C2CD2L: variants seen among roughly 807,000 people sequenced by gnomAD.
C2CD2L encodes the protein phospholipid transfer protein C2CD2L.
Under a neutral mutation model 69.9 loss-of-function variants are expected in C2CD2L, and 24 were observed. The ratio of observed to expected loss-of-function variants is 0.34; its 90% CI spans 0.25 to 0.48. The LOEUF (loss-of-function observed/expected upper bound fraction) is 0.48, where lower values mean the gene tolerates loss of function less well. Ranked by LOEUF, C2CD2L falls within the 20% of genes least tolerant of loss-of-function variation. The pLI, the probability that C2CD2L is intolerant of heterozygous loss-of-function variation, is 0.99. For synonymous variants in C2CD2L, 367 were observed against 391.0 expected, an observed-to-expected ratio of 0.94 and a Z score of 0.72; for missense variants, 811 against 941.5, an observed-to-expected ratio of 0.86 and a Z score of 1.81.
At chr11:119,108,378 T>C (rs1946647113) in intron 1 of C2CD2L, 1 of 362,734 alleles carries the variant, frequency 2.8e-6, no homozygotes, top group African/African-American at 2.1e-5. Flanking sequence ...CTGAGGGCAC[T>C]TCCGCCTTGC....
upstream of C2CD2L, among the ~76,000 whole-genome samples, chr11:119,104,746 A>T (rs535237939): frequency 2.6e-5 from 4 of 152,334 alleles, no homozygotes; most frequent in East Asian, 1.9e-4. Context: ...GTGGCTCCCA[A>T]TGAGCAAGGC....
At chr11:119,116,012 C>G in intron 13 of C2CD2L, 33 bp from the exon 14 acceptor site, 1 of 1,604,576 alleles carries the variant, frequency 6.2e-7, no homozygotes, top group South Asian at 1.1e-5. Flanking sequence ...CCCCGTGCCC[C>G]TCTCTGCCTC....
chr11:119,111,677 C>A (rs903887316), intron 7 of C2CD2L, 48 bp downstream of exon 7: 1 of 1,297,096 alleles, frequency 7.7e-7, no homozygotes, highest in Non-Finnish European at 1.1e-6. Flanking sequence ...CAGAGAGGAT[C>A]AAACCTTTCC....
In C2CD2L at chr11:119,116,162, G is replaced by A. The variant is rs1267182209; in HGVS notation, c.2027G>A (p.Arg676Gln). Residue 676 changes from arginine (R) to glutamine (Q), a missense_variant, in exon 14 of 14, where the codon CGA (arginine) becomes CAA (glutamine). Coordinates refer to ENST00000648610, the MANE Select transcript of C2CD2L (RefSeq NM_001290474.2). The stretch of plus-strand genomic sequence containing the variant: ...AACGCAACGGCCACGCCCAGTGTCC[G>A]AAAGAAGGCCGGCAGCTTTTCTCGC... ...LSNATATPSV[R>Q]KKAGSFSRRL... The A allele has an allele frequency of 4.3e-6, 7 of 1,614,140 alleles. No individual in the cohort carries two copies. The highest frequency in any genetic ancestry group is 1.6e-4 in the Middle Eastern group (1 of 6,084).
upstream of C2CD2L, chr11:119,102,271 A>T: frequency 2.1e-6 from 1 of 477,388 alleles, no homozygotes; most frequent in Non-Finnish European, 4.3e-6. Flanking sequence ...CTCCGGCTCC[A>T]GGAAGATGGC....
Position 119,116,171 on chromosome 11 carries a change from C to T in C2CD2L, c.2036C>T (p.Ala679Val), listed in dbSNP as rs750938420. ...GCCACGCCCAGTGTCCGAAAGAAGG[C>T]CGGCAGCTTTTCTCGCCGCCTTATC... ...ATATPSVRKK[A>V]GSFSRRLIKR... The change falls in exon 14 of 14, where the codon GCC becomes GTC. Residue 679 changes from alanine (A) to valine (V), a missense_variant. By Grantham distance (64) the Ala-to-Val change is moderately conservative. Coordinates refer to ENST00000648610, the MANE Select transcript of C2CD2L (RefSeq NM_001290474.2). The T allele has an allele frequency of 1.2e-6, 2 of 1,614,150 alleles. No homozygotes were observed. Among genetic ancestry groups the T allele is most frequent in the Admixed American group, 1.7e-5 (1 of 60,014 alleles).
rs909027950 is a variant in C2CD2L at position 119,117,909 on chromosome 11, T to C, written c.*1653T>C. ...AAAATAAGGGTGACCTGGATAAACA[T>C]TCAGGTCACTTCCAGCCTTGACATT... On this transcript the variant is annotated 3_prime_UTR_variant, in exon 14 of 14. Coordinates refer to ENST00000648610, the MANE Select transcript of C2CD2L (RefSeq NM_001290474.2). The C allele has an allele frequency of 3.9e-5, 6 of 152,108 alleles. No homozygotes were observed. Among genetic ancestry groups the C allele is most frequent in the Admixed American group, 3.9e-4 (6 of 15,278 alleles). The allele number at this position is 152,108 out of a possible 1,614,324, so 9.4% of individuals were successfully genotyped here. A position where few individuals can be genotyped will look rare whatever the true frequency, so the allele number is the denominator to read the frequency against.
intron 6 of C2CD2L, 21 bp from the exon 7 acceptor site, chr11:119,111,500 C>T (rs1293169781): frequency 6.2e-7 from 1 of 1,612,228 alleles, no homozygotes; most frequent in Non-Finnish European, 8.5e-7. Flanking sequence ...TGAGCATCTT[C>T]TAACTTCTGG....
At position 119,107,991 on chromosome 11, in the gene C2CD2L, G is replaced by A. The variant is rs1465606962; in HGVS notation, c.250G>A (p.Gly84Arg). The change falls in exon 1 of 14, where the codon GGA (glycine) becomes AGA (arginine). Residue 84 changes from glycine to arginine, a missense_variant. By Grantham distance (125) the Gly-to-Arg change is moderately radical. Transcript: ENST00000648610. This position sits in a 1 kb window ranked among gnomAD's most constrained non-coding sequence, Gnocchi z 5.4. ...TCGGGCTGGCGCCGCCGAGGAGCCAGGAGTCCGGGGCCTCCTGGCGTCACT... is the reference window on the plus strand; with the variant it reads ...TCGGGCTGGCGCCGCCGAGGAGCCAAGAGTCCGGGGCCTCCTGGCGTCACT... ...ATRAGAAEEP[G>R]VRGLLASLFA... 1.3e-6 allele frequency: 2 copies of A among 1,574,284 alleles called. No homozygotes were observed. The highest frequency in any genetic ancestry group is 1.9e-5 in the Admixed American group (1 of 52,994).
intron 11 of C2CD2L, 28 bp from the exon 12 acceptor site, chr11:119,113,827 G>T (rs768664321): frequency 6.2e-7 from 1 of 1,612,844 alleles, no homozygotes; most frequent in South Asian, 1.1e-5. Flanking sequence ...GGAGAAGTCA[G>T]GTTATTCATT....
rs1259188434 is a variant in C2CD2L at position 119,118,492 on chromosome 11, C to T, written c.*2236C>T. ...TGTGTTGGGCGATGATAATGATGTC[C>T]ATTGCTGTGTGACAGCTTGGAATTT... is the stretch of plus-strand genomic sequence containing the variant. On this transcript the variant is annotated 3_prime_UTR_variant, in exon 14 of 14. Transcript: ENST00000648610. 2.0e-5 allele frequency: 3 copies of T among 152,288 alleles called. No homozygotes were observed. The highest frequency in any genetic ancestry group is 4.4e-5 in the Non-Finnish European group (3 of 68,020). The allele number at this position is 152,288 out of a possible 1,614,324, so 9.4% of individuals were successfully genotyped here.
upstream of C2CD2L, chr11:119,102,448 T>G: frequency 5.1e-6 from 2 of 395,012 alleles, no homozygotes; most frequent in African/African-American, 2.1e-5. Flanking sequence ...GCGTAGATCC[T>G]TGAAAAGCCC....
chr11:119,110,081 C>G lies in C2CD2L; in HGVS notation c.355-23C>G. 1 of 1,554,760 alleles carries G rather than the reference C, an allele frequency of 6.4e-7. No individual in the cohort carries two copies. The highest frequency in any genetic ancestry group is 8.9e-7 in the Non-Finnish European group (1 of 1,125,898). ...GGGGGGCAGCTCCAGAGACCTGATCCAATGCCCACATTACTCCCTCAGAGC... is the reference window on the plus strand; with the variant it reads ...GGGGGGCAGCTCCAGAGACCTGATCGAATGCCCACATTACTCCCTCAGAGC... On this transcript the variant is annotated intron_variant, in intron 1 of 13. Coordinates refer to ENST00000648610, the MANE Select transcript of C2CD2L (RefSeq NM_001290474.2). This position sits in a 1 kb window ranked among gnomAD's most constrained non-coding sequence, Gnocchi z 5.7.
intron 10 of C2CD2L, chr11:119,113,240 C>T (rs962377329): frequency 1.0e-5 from 4 of 390,944 alleles, no homozygotes; most frequent in Non-Finnish European, 1.9e-5. Flanking sequence ...CTGGGGTCCT[C>T]CAACAAACCC....
rs1384811039 is a variant in C2CD2L, at chr11:119,114,325, C to T, written c.1869C>T (p.Ser623=). 2 of 1,614,040 alleles carry T rather than the reference C, an allele frequency of 1.2e-6. No individual in the cohort carries two copies. The highest frequency in any genetic ancestry group is 1.7e-6 in the Non-Finnish European group (2 of 1,180,026). Residue 623 remains serine (S), a synonymous_variant, in exon 13 of 14, where the codon TCC becomes TCT. Transcript: ENST00000648610. The surrounding 1 kb of genome is among the most constrained non-coding windows in gnomAD (Gnocchi z 5.1). The part of the protein sequence containing the change: ...SVDDIESETG[S]TGALETRSLK... ...ATGATATTGAGTCGGAAACGGGGTC[C>T]ACTGGTGCCCTGGAGACCCGCAGCC...
upstream of C2CD2L, among the ~76,000 whole-genome samples, chr11:119,103,958 G>T (rs1946549379): frequency 6.6e-6 from 1 of 152,092 alleles, no homozygotes; most frequent in Non-Finnish European, 1.5e-5. Flanking sequence ...GTCCCCATGG[G>T]GCTAGGAACA....
At chr11:119,113,321 C>T (rs531351869) in intron 10 of C2CD2L, 165 of 435,798 alleles carry the variant, frequency 3.8e-4, no homozygotes, top group African/African-American at 3.0e-3. Flanking sequence ...AGGGGCCCCA[C>T]TGAATTGCCC....
intron 7 of C2CD2L, chr11:119,111,964 G>A (rs963664592): frequency 1.1e-4 from 48 of 431,824 alleles, no homozygotes; most frequent in African/African-American, 9.1e-4. Flanking sequence ...GCTTCATGGA[G>A]GAGATGACAT....
upstream of C2CD2L, chr11:119,102,477 T>A: frequency 2.7e-6 from 1 of 374,450 alleles, no homozygotes; most frequent in South Asian, 2.0e-5. Flanking sequence ...CTGTTTTTCT[T>A]GTCCTCGATT....
Sources: allele counts gnomAD v4.1 joint callset (sites outside exome capture counted in the v4.1 genomes callset), GRCh38; gene constraint gnomAD v4.1.1; non-coding constraint Gnocchi (gnomAD v3.1); transcripts MANE v1.5; gene names NCBI Gene and HGNC (gene_info 2026-07-23, HGNC 2026-07-21).